Variants in ACVR1B observed in about 807,000 individuals in gnomAD.
ACVR1B encodes activin receptor type-1B.
In ACVR1B, 15 loss-of-function variants were observed where a neutral mutation model predicts 55.6. The ratio of observed to expected loss-of-function variants is 0.27; its 90% CI spans 0.18 to 0.42. ACVR1B has a LOEUF of 0.42. ACVR1B is among the 10% of genes least tolerant of loss of function. The probability of loss-of-function intolerance (pLI) is 1.00; values close to 1 mark genes in which losing one functional copy is unlikely to be tolerated. For missense variants in ACVR1B, 359 were observed against 670.1 expected (o/e 0.54, Z 5.13); for synonymous variants, 247 against 254.6 (o/e 0.97, Z 0.28).
intron 3 of ACVR1B, among the ~76,000 whole-genome samples, chr12:51,980,639 T>C (rs1405185745): frequency 6.6e-6 from 1 of 152,202 alleles, no homozygotes; most frequent in East Asian, 1.9e-4. Context: ...GGCCCACAGG[T>C]GGCTGGCTGA....
At chr12:51,992,074 G>A in intron 8 of ACVR1B, 81 bp downstream of exon 8, 1 of 1,577,648 alleles carries the variant, frequency 6.3e-7, no homozygotes, top group Non-Finnish European at 8.7e-7. Flanking sequence ...ATGGGGTCAG[G>A]CCCCAGAGGA....
chr12:51,974,817 A>T (rs1035473012), intron 1 of ACVR1B, among the ~76,000 whole-genome samples: 3 of 152,180 alleles, frequency 2.0e-5, no homozygotes, highest in African/African-American at 7.2e-5. Context: ...GTAGGCAGGA[A>T]AAAAGCATTG....
At chr12:51,981,455 C>A (rs1179464171) in intron 4 of ACVR1B, among the ~76,000 whole-genome samples, 1 of 152,188 alleles carries the variant, frequency 6.6e-6, no homozygotes, top group African/African-American at 2.4e-5. Context: ...CCTCACCCTA[C>A]CTGCTCAATT....
chr12:51,955,060 G>A (rs74541744), intron 1 of ACVR1B, among the ~76,000 whole-genome samples: 2,725 of 152,276 alleles, frequency 0.018, 26 homozygotes, highest in Non-Finnish European at 0.022. Context: ...CAGTCTGGAG[G>A]GAGTGACCTG....
In ACVR1B at chr12:51,951,786, GTCC is replaced by G. The variant is rs1360924560; in HGVS notation, c.48_50del (p.Leu18del). 3.9e-6 allele frequency: 5 copies of G among 1,296,738 alleles called. No individual in the cohort carries two copies. Among genetic ancestry groups the G allele is most frequent in the Non-Finnish European group, 4.9e-6 (5 of 1,013,890 alleles). The allele number at this position is 1,296,738 out of a possible 1,614,324, so 80.3% of individuals were successfully genotyped here. A position where few individuals can be genotyped will look rare whatever the true frequency, so the allele number is the denominator to read the frequency against. ...AGCCTCCTCCTTCTTCCCCCTTGTT[GTCC>G]TCCTGCTCGCCGGCAGCGGCGGGTC... On this transcript the variant is annotated inframe_deletion, in exon 1 of 9. Coordinates refer to ENST00000257963, the MANE Select transcript of ACVR1B (RefSeq NM_004302.5).
At chr12:51,975,139 G>T in intron 1 of ACVR1B, 126 bp from the exon 2 acceptor site, 1 of 1,319,080 alleles carries the variant, frequency 7.6e-7, no homozygotes, top group Non-Finnish European at 1.0e-6. Context: ...ATATCTTTTT[G>T]GCCCCATCTC....
chr12:51,961,173 C>T (rs1428061701), intron 1 of ACVR1B, among the ~76,000 whole-genome samples: 2 of 152,156 alleles, frequency 1.3e-5, no homozygotes, highest in Non-Finnish European at 2.9e-5. Context: ...TGGAGTTGCA[C>T]TGTTTATAGT....
chr12:51,960,059 G>A (rs1428177037), intron 1 of ACVR1B: 1 of 152,198 alleles, frequency 6.6e-6, no homozygotes, highest in African/African-American at 2.4e-5. Flanking sequence ...TATCCAGGAT[G>A]TGCCTAGCAC....
At chr12:51,977,508 G>T (rs11835598) in intron 3 of ACVR1B, among the ~76,000 whole-genome samples, 2,736 of 152,000 alleles carry the variant, frequency 0.018, 27 homozygotes, top group Non-Finnish European at 0.022. Flanking sequence ...CATCAGTCAG[G>T]CTGGTCTTGT....
At chr12:51,981,646 A>T (rs1941981198) in intron 4 of ACVR1B, among the ~76,000 whole-genome samples, 1 of 152,232 alleles carries the variant, frequency 6.6e-6, no homozygotes, top group Admixed American at 6.5e-5. Context: ...AGCCTGGCCA[A>T]CATGGCAAAA....
chr12:51,970,826 A>G (rs551436266), intron 1 of ACVR1B, among the ~76,000 whole-genome samples: 1 of 152,330 alleles, frequency 6.6e-6, no homozygotes, highest in African/African-American at 2.4e-5. Flanking sequence ...GTGCTCCACA[A>G]TCAGTACTAA....
chr12:51,987,321 A>G, intron 7 of ACVR1B: 2 of 537,168 alleles, frequency 3.7e-6, no homozygotes, highest in East Asian at 3.0e-5. Context: ...AGCCACATTC[A>G]TGGGAAACCC....
intron 7 of ACVR1B, chr12:51,987,217 C>T: frequency 1.5e-6 from 1 of 660,548 alleles, no homozygotes; most frequent in Non-Finnish European, 2.8e-6. Context: ...TTTTATTAGT[C>T]CGTGGCGGGG....
rs748727343 is a variant in ACVR1B at position 51,986,953 on chromosome 12, T to G, written c.1261+11T>G. ...GATGCAATTCTGGAGGTACCTTTCT[T>G]TTTTGCCTTTGCTCCTACCTCCCAT... is the stretch of plus-strand genomic sequence containing the variant. On this transcript the variant is annotated intron_variant, in intron 7 of 8. Coordinates refer to ENST00000257963, the MANE Select transcript of ACVR1B (RefSeq NM_004302.5). 1.7e-5 allele frequency: 27 copies of G among 1,614,132 alleles called. No individual in the cohort carries two copies. The highest frequency in any genetic ancestry group is 2.2e-5 in the East Asian group (1 of 44,894).
rs1289787383 is a variant in ACVR1B at position 51,996,195 on chromosome 12, C to G, written c.*2085C>G. On this transcript the variant is annotated 3_prime_UTR_variant, in exon 9 of 9. Transcript: ENST00000257963. ...CTGGGGTTTAGAACCCCAGGTGAGACCTCAAATCACTGCATTCATTCTGAG... is the reference window on the plus strand; with the variant it reads ...CTGGGGTTTAGAACCCCAGGTGAGAGCTCAAATCACTGCATTCATTCTGAG... 2.0e-5 allele frequency: 3 copies of G among 152,302 alleles called. No homozygotes were observed. Among genetic ancestry groups the G allele is most frequent in the African/African-American group, 7.2e-5 (3 of 41,416 alleles). The allele number at this position is 152,302 out of a possible 1,614,324, so 9.4% of individuals were successfully genotyped here.
chr12:51,985,383 G>T, intron 6 of ACVR1B, 35 bp downstream of exon 6: 1 of 1,582,630 alleles, frequency 6.3e-7, no homozygotes, highest in Non-Finnish European at 8.6e-7. Flanking sequence ...TTGCTAAGCA[G>T]CTTCTACTGA....
rs541517603 is a variant in ACVR1B, at chr12:51,960,847, G to T, written c.91+9013G>T. On this transcript the variant is annotated intron_variant, in intron 1 of 8. Transcript: ENST00000257963. ...ACCCTGTTTGTCTGACCTAGAGGTT[G>T]TGTGGCTTCTAGGATCAACTCTAGA... is the stretch of plus-strand genomic sequence containing the variant. Among the ~76,000 whole-genome samples the T allele has an allele frequency of 7.9e-5, 12 of 152,334 alleles. No individual in the cohort carries two copies. The South Asian group carries it at 1.2e-3, about 16-fold the overall frequency.
intron 3 of ACVR1B, among the ~76,000 whole-genome samples, chr12:51,980,534 C>T (rs866754314): frequency 6.6e-6 from 1 of 152,200 alleles, no homozygotes; most frequent in Non-Finnish European, 1.5e-5. Context: ...ATAAGCAGAA[C>T]AGCCAGAAGG....
intron 2 of ACVR1B, 89 bp downstream of exon 2, chr12:51,975,593 T>G (rs1014965429): frequency 6.7e-7 from 1 of 1,494,194 alleles, no homozygotes; most frequent in Admixed American, 2.1e-5. Flanking sequence ...CCCACTCACT[T>G]GGTTTGACGA....
Sources: gnomAD v4.1 joint callset for allele counts (sites outside exome capture counted in the v4.1 genomes callset) on GRCh38, gnomAD v4.1.1 for gene constraint, MANE v1.5 for transcripts, NCBI Gene and HGNC (gene_info 2026-07-23, HGNC 2026-07-21) for gene names.